PPARGC1A: variants seen among roughly 807,000 people sequenced by gnomAD.
The protein encoded by PPARGC1A is PPARG coactivator 1 alpha, also known as peroxisome proliferator-activated receptor gamma coactivator 1-alpha.
Under a neutral mutation model 88.7 loss-of-function variants are expected in PPARGC1A, and 25 were observed. The ratio of observed to expected loss-of-function variants is 0.28; its 90% CI spans 0.21 to 0.39. PPARGC1A has a LOEUF of 0.39. Among genes scored for constraint, PPARGC1A ranks in the 10% least tolerant of loss-of-function variants. The pLI is 1.00. For synonymous variants in PPARGC1A, 363 were observed against 355.6 expected, an observed-to-expected ratio of 1.02 and a Z score of -0.24; for missense variants, 880 against 968.7, an observed-to-expected ratio of 0.91 and a Z score of 1.22.
the PPARGC1A span, among the ~76,000 whole-genome samples, chr4:24,186,520 T>C: frequency 2.0e-5 from 3 of 152,178 alleles, no homozygotes; most frequent in African/African-American, 7.2e-5. Context: ...CTTCACTGCC[T>C]AGAGCCTACC....
chr4:23,986,111 A>G, the PPARGC1A span, among the ~76,000 whole-genome samples: 1 of 152,070 alleles, frequency 6.6e-6, no homozygotes, highest in Non-Finnish European at 1.5e-5. Context: ...TAGGAAAGGT[A>G]AGTTATGTAT....
rs759025415 is a variant in PPARGC1A at position 23,814,220 on chromosome 4, C to T, written c.1263G>A (p.Gly421=). ...CTGAATCTGTGGAAGAACAAATCTG[C>T]CCCTGCCAATCAGAGGAGACATCTT... ...ENKDVSSDWQ[G]QICSSTDSDQ... is the part of the protein sequence containing the mutation. Residue 421 remains glycine (G), a synonymous_variant, in exon 8 of 13, where the codon GGG becomes GGA. Transcript: ENST00000264867. 2.8e-5 allele frequency: 45 copies of T among 1,613,948 alleles called. 2 individuals are homozygous for T. In the South Asian group the frequency reaches 3.1e-4, roughly 11 times the overall value.
At chr4:24,195,767 C>CTATCCT in the PPARGC1A span, among the ~76,000 whole-genome samples, 7 of 152,222 alleles carry the variant, frequency 4.6e-5, no homozygotes, top group East Asian at 1.4e-3. Context: ...TTATGCCTCG[C>CTATCCT]TATCCTTATT....
chr4:24,130,154 A>T, the PPARGC1A span, among the ~76,000 whole-genome samples: 1,553 of 152,244 alleles, frequency 0.01, 33 homozygotes, highest in African/African-American at 0.032. Context: ...ATAATAAAAA[A>T]AATAATAATA....
chr4:24,149,132 C>G, the PPARGC1A span, among the ~76,000 whole-genome samples: 1 of 151,960 alleles, frequency 6.6e-6, no homozygotes, highest in Non-Finnish European at 1.5e-5. Flanking sequence ...TGTCAAAATA[C>G]AAAGAGAATC....
At chr4:24,156,300 C>T in the PPARGC1A span, among the ~76,000 whole-genome samples, 1 of 152,084 alleles carries the variant, frequency 6.6e-6, no homozygotes, top group Non-Finnish European at 1.5e-5. Flanking sequence ...GGTGTTTCTC[C>T]CAGTTGAAAT....
the PPARGC1A span, among the ~76,000 whole-genome samples, chr4:24,074,907 T>C: frequency 1.3e-5 from 2 of 152,142 alleles, no homozygotes; most frequent in Non-Finnish European, 2.9e-5. Context: ...AGAGGGTGCT[T>C]TGCCGAAAAG....
chr4:24,326,784 C>T, the PPARGC1A span, among the ~76,000 whole-genome samples: 1 of 152,100 alleles, frequency 6.6e-6, no homozygotes, highest in African/African-American at 2.4e-5. Flanking sequence ...GAGCCAGGAC[C>T]GCACCCTGTA....
Position 23,795,810 on chromosome 4 carries a change from C to T in PPARGC1A, c.*12G>A, listed in dbSNP as rs533911562. 6.3e-7 allele frequency: 1 copy of T among 1,594,454 alleles called. No homozygotes were observed. The highest frequency in any genetic ancestry group is 1.4e-5 in the African/African-American group (1 of 73,930). ...TTCGCCATCCCTCTGTCATCCTCAG[C>T]TAGGGAACATGTTACCTGCGCAAGC... On this transcript the variant is annotated 3_prime_UTR_variant, in exon 13 of 13. Coordinates refer to ENST00000264867, the MANE Select transcript of PPARGC1A (RefSeq NM_013261.5).
the PPARGC1A span, among the ~76,000 whole-genome samples, chr4:24,030,967 C>G: frequency 6.6e-6 from 1 of 152,048 alleles, no homozygotes; most frequent in African/African-American, 2.4e-5. Context: ...GGGAAGCAGA[C>G]AGATATGCAG....
the PPARGC1A span, among the ~76,000 whole-genome samples, chr4:24,386,714 A>G: frequency 6.6e-6 from 1 of 152,196 alleles, no homozygotes; most frequent in Non-Finnish European, 1.5e-5. Flanking sequence ...AAGGAGTACT[A>G]CAAACCACTG....
the PPARGC1A span, among the ~76,000 whole-genome samples, chr4:24,203,764 G>C: frequency 1.3e-5 from 2 of 152,238 alleles, no homozygotes; most frequent in African/African-American, 4.8e-5. Context: ...AAACTTGCAA[G>C]TTGCTCTGAG....
At chr4:23,904,021 C>T, upstream of PPARGC1A, 3 of 978,542 alleles carry the variant, frequency 3.1e-6, no homozygotes, top group Non-Finnish European at 3.6e-6. Flanking sequence ...TAGATGATAA[C>T]CCCAACATGT....
At chr4:24,317,596 A>AAAAAAAAAAAC in the PPARGC1A span, among the ~76,000 whole-genome samples, 1 of 131,134 alleles carries the variant, frequency 7.6e-6, no homozygotes, top group African/African-American at 3.2e-5. Flanking sequence ...AAAAAAAAAA[A>AAAAAAAAAAAC]CACCACCACC....
chr4:24,269,873 A>G, the PPARGC1A span, among the ~76,000 whole-genome samples: 496 of 152,350 alleles, frequency 3.3e-3, 5 homozygotes, highest in African/African-American at 0.012. Flanking sequence ...TCTGGGTCTC[A>G]GTTTTTCCAG....
intron 2 of PPARGC1A, among the ~76,000 whole-genome samples, chr4:23,866,886 T>C (rs1312969724): frequency 6.6e-6 from 1 of 152,182 alleles, no homozygotes; most frequent in Non-Finnish European, 1.5e-5. Context: ...CCTTCTTATT[T>C]TGCTGCGCTG....
chr4:24,317,480 G>T, the PPARGC1A span, among the ~76,000 whole-genome samples: 1 of 144,954 alleles, frequency 6.9e-6, no homozygotes, highest in Non-Finnish European at 1.5e-5. Context: ...ACTGAGCGGG[G>T]ATTGGGATGA....
the PPARGC1A span, among the ~76,000 whole-genome samples, chr4:24,153,242 G>A: frequency 5.9e-5 from 9 of 152,178 alleles, no homozygotes; most frequent in South Asian, 2.1e-4. Context: ...AAATAGCCTC[G>A]TCGATGAACA....
At chr4:24,386,842 A>G in the PPARGC1A span, among the ~76,000 whole-genome samples, 3 of 152,224 alleles carry the variant, frequency 2.0e-5, no homozygotes, top group African/African-American at 7.2e-5. Flanking sequence ...ATTTAATGCT[A>G]TTCCCATCAA....
Sources: allele counts gnomAD v4.1 joint callset (sites outside exome capture counted in the v4.1 genomes callset), GRCh38; gene constraint gnomAD v4.1.1; transcripts MANE v1.5; gene names NCBI Gene and HGNC (gene_info 2026-07-23, HGNC 2026-07-21).